Variants in PAPSS1 observed in about 807,000 individuals in gnomAD.
PAPSS1 encodes the protein bifunctional 3'-phosphoadenosine 5'-phosphosulfate synthase 1.
In PAPSS1, 50 loss-of-function variants were observed where a neutral mutation model predicts 72.0. That is an observed-to-expected ratio of 0.69 (90% confidence interval 0.55 to 0.88). PAPSS1 has a LOEUF of 0.88. PAPSS1 is among the 40% of genes least tolerant of loss of function. PAPSS1 has a pLI of 0.00. For synonymous variants in PAPSS1, 261 were observed against 263.6 expected (o/e 0.99, Z 0.09); for missense variants, 657 against 782.2 (o/e 0.84, Z 1.91).
chr4:107,704,147 T>C (rs1356971956), intron 1 of PAPSS1, among the ~76,000 whole-genome samples: 1 of 152,200 alleles, frequency 6.6e-6, no homozygotes, highest in Non-Finnish European at 1.5e-5. Context: ...TTACAGGTAC[T>C]TCAATGTTAG....
At chr4:107,651,090 AC>A (rs1440798625) in intron 9 of PAPSS1, among the ~76,000 whole-genome samples, 1 of 152,242 alleles carries the variant, frequency 6.6e-6, no homozygotes, top group Non-Finnish European at 1.5e-5. Flanking sequence ...TACAGGCAGT[AC>A]CAAGTATAGC....
At chr4:107,678,706 CACAAGCATGCCTATGG>C (rs963366193) in intron 5 of PAPSS1, among the ~76,000 whole-genome samples, 2 of 152,138 alleles carry the variant, frequency 1.3e-5, no homozygotes, top group Admixed American at 1.3e-4. Context: ...TGCACTCACT[CACAAGCATGCCTATGG>C]CAGGTGCTCA....
intron 10 of PAPSS1, among the ~76,000 whole-genome samples, chr4:107,637,833 A>G (rs1375843478): frequency 6.6e-6 from 1 of 152,236 alleles, no homozygotes; most frequent in Admixed American, 6.5e-5. Flanking sequence ...TAGGAAGTCA[A>G]GTGCATTACC....
chr4:107,671,219 G>GA lies in PAPSS1; in HGVS notation c.669+10795dup, dbSNP rs542997637. Among the ~76,000 whole-genome samples the GA allele has an allele frequency of 2.1e-3, 314 of 148,020 alleles. 3 individuals are homozygous for GA. The highest frequency in any genetic ancestry group is 7.3e-3 in the African/African-American group (297 of 40,442). ...ATCCTGGAACAGGAAAAACATTAGT[G>GA]AAAAAATAAGTGAAGAGCTGCAAAA... On this transcript the variant is annotated intron_variant, in intron 5 of 11. Transcript: ENST00000265174.
intron 1 of PAPSS1, among the ~76,000 whole-genome samples, chr4:107,718,179 G>C (rs1177618703): frequency 6.6e-6 from 1 of 152,156 alleles, no homozygotes; most frequent in East Asian, 1.9e-4. Context: ...ATTTAAATAT[G>C]AGAGAGGAAG....
At chr4:107,645,189 G>T in intron 9 of PAPSS1, 119 bp from the exon 10 acceptor site, 39 of 496,350 alleles carry the variant, frequency 7.9e-5, no homozygotes, top group Non-Finnish European at 9.5e-5. Flanking sequence ...TGCAAACTCA[G>T]AAATCAGAAA....
intron 4 of PAPSS1, 35 bp downstream of exon 4, chr4:107,687,002 CTA>C (rs1553921384): frequency 6.3e-7 from 1 of 1,579,352 alleles, no homozygotes; most frequent in Non-Finnish European, 8.6e-7. Flanking sequence ...CATAAAATAT[CTA>C]AGCAAAGTGA....
intron 9 of PAPSS1, among the ~76,000 whole-genome samples, chr4:107,649,955 T>C (rs1726794042): frequency 6.6e-6 from 1 of 152,240 alleles, no homozygotes; most frequent in South Asian, 2.1e-4. Flanking sequence ...TCTGGAAATG[T>C]ATCACCTTGC....
intron 1 of PAPSS1, among the ~76,000 whole-genome samples, chr4:107,710,988 C>T (rs982534982): frequency 3.3e-5 from 5 of 152,228 alleles, no homozygotes; most frequent in Non-Finnish European, 5.9e-5. Context: ...TCATTCTGGA[C>T]GTTTGCCTCG....
chr4:107,675,285 T>C (rs1727608627), intron 5 of PAPSS1, among the ~76,000 whole-genome samples: 1 of 151,848 alleles, frequency 6.6e-6, no homozygotes, highest in Admixed American at 6.6e-5. Flanking sequence ...GATAGACCAC[T>C]AACAAGACTA....
chr4:107,637,586 C>A (rs1453104337), intron 10 of PAPSS1, among the ~76,000 whole-genome samples: 1 of 152,024 alleles, frequency 6.6e-6, no homozygotes, highest in African/African-American at 2.4e-5. Context: ...ATGAATTGAA[C>A]AATTAAAATT....
At position 107,694,118 on chromosome 4, in the gene PAPSS1, G is replaced by A. The variant is rs920079590; in HGVS notation, c.176-112C>T. 66 of 732,792 alleles carry A rather than the reference G, an allele frequency of 9.0e-5. No homozygotes were observed. The African/African-American group carries it at 1.1e-3, about 12-fold the overall frequency. 45.4% of individuals were successfully genotyped at this position (732,792 alleles called of 1,614,324 possible). A position where few individuals can be genotyped will look rare whatever the true frequency, so the allele number is the denominator to read the frequency against. On this transcript the variant is annotated intron_variant, in intron 2 of 11. Coordinates refer to ENST00000265174, the MANE Select transcript of PAPSS1 (RefSeq NM_005443.5). ...GTCTTGCTCTGCCACCCAGGCTGGA[G>A]TGCAGAGGCTGCATAGCTCACTGCA...
intron 5 of PAPSS1, among the ~76,000 whole-genome samples, chr4:107,681,633 C>T (rs1162934714): frequency 6.6e-6 from 1 of 152,084 alleles, no homozygotes; most frequent in Non-Finnish European, 1.5e-5. Flanking sequence ...AAAATGTGGG[C>T]ACTCTAAATA....
intron 5 of PAPSS1, 133 bp from the exon 6 acceptor site, chr4:107,660,205 TC>T: frequency 1.8e-6 from 1 of 564,572 alleles, no homozygotes; most frequent in Non-Finnish European, 3.1e-6. Context: ...AGTGCTATGT[TC>T]CCCTCAACCA....
chr4:107,702,503 G>T (rs4956131), intron 1 of PAPSS1, among the ~76,000 whole-genome samples: 21 of 151,742 alleles, frequency 1.4e-4, no homozygotes, highest in African/African-American at 4.9e-4. Context: ...CATCCTCCTC[G>T]ACCCCCACTC....
At chr4:107,665,463 T>TAAA (rs975188058) in intron 5 of PAPSS1, among the ~76,000 whole-genome samples, 5 of 152,162 alleles carry the variant, frequency 3.3e-5, no homozygotes, top group African/African-American at 1.2e-4. Context: ...TTTGTACATA[T>TAAA]AAAACCCTTT....
chr4:107,646,918 G>A (rs1476554054), intron 9 of PAPSS1, among the ~76,000 whole-genome samples: 3 of 152,130 alleles, frequency 2.0e-5, no homozygotes, highest in African/African-American at 7.2e-5. Flanking sequence ...CACATGTAAT[G>A]AGTCCCTTCT....
rs187744765 is a variant in PAPSS1, at chr4:107,692,050, A to T, written c.411+1721T>A. On this transcript the variant is annotated intron_variant, in intron 3 of 11. Coordinates refer to ENST00000265174, the MANE Select transcript of PAPSS1 (RefSeq NM_005443.5). ...ATAGGCAAAAATTAACTCAAGATGG[A>T]TTAAAGGCTTAAATGTGAAACTCAA... Among the ~76,000 whole-genome samples the T allele has an allele frequency of 7.1e-3, 1,078 of 152,294 alleles. 13 individuals are homozygous for T. Among genetic ancestry groups the T allele is most frequent in the African/African-American group, 0.025 (1,036 of 41,550 alleles).
chr4:107,654,164 T>C lies in PAPSS1; in HGVS notation c.1101+531A>G, dbSNP rs943835832. On this transcript the variant is annotated intron_variant, in intron 8 of 11. Coordinates refer to ENST00000265174, the MANE Select transcript of PAPSS1 (RefSeq NM_005443.5). ...TCCTTTTCCCCATGAGGCTTTGGCT[T>C]ATGTGCCAACAATGTGCCCAGCTTC... Among the ~76,000 whole-genome samples the C allele has an allele frequency of 8.5e-5, 13 of 152,330 alleles. No individual in the cohort carries two copies. In the South Asian group the frequency reaches 1.9e-3, roughly 22 times the overall value.
Sources: allele counts gnomAD v4.1 joint callset (sites outside exome capture counted in the v4.1 genomes callset), GRCh38; gene constraint gnomAD v4.1.1; transcripts MANE v1.5; gene names NCBI Gene and HGNC (gene_info 2026-07-23, HGNC 2026-07-21).